Variants in RNF216 observed in about 807,000 individuals in gnomAD.
RNF216 encodes E3 ubiquitin-protein ligase RNF216.
A neutral mutation model predicts 110.8 loss-of-function variants in RNF216; 72 were observed. That is an observed-to-expected ratio of 0.65 (90% CI 0.54 to 0.79). RNF216 has a LOEUF of 0.79. Ranked by LOEUF, RNF216 falls within the 30% of genes least tolerant of loss-of-function variation. RNF216 has a pLI of 0.00. For missense variants in RNF216, 1,342 were observed against 1,141.2 expected, an observed-to-expected ratio of 1.18 and a Z score of -2.54; for synonymous variants, 495 against 407.5, an observed-to-expected ratio of 1.21 and a Z score of -2.59.
Position 5,741,783 on chromosome 7 carries a change from G to C in RNF216, c.234C>G (p.Leu78=). ...TNKPQRSRPN[L]IKPAAQWQDL... ...CTTGCCACTGGGCAGCTGGTTTGAT[G>C]AGATTGGGTCGTGATCTCTGAGGTT... The change falls in exon 4 of 17, where the codon CTC becomes CTG. Residue 78 remains leucine, a synonymous_variant. Coordinates refer to ENST00000389902, the MANE Select transcript of RNF216 (RefSeq NM_207111.4). 9 of 1,613,736 alleles carry C rather than the reference G, an allele frequency of 5.6e-6. No individual in the cohort carries two copies. The highest frequency in any genetic ancestry group is 7.6e-6 in the Non-Finnish European group (9 of 1,179,944).
chr7:5,736,709 G>A (rs1392668761), intron 5 of RNF216, among the ~76,000 whole-genome samples: 3 of 151,566 alleles, frequency 2.0e-5, no homozygotes, highest in Admixed American at 1.3e-4. Context: ...CATCTGAGAC[G>A]TGGGGAGCGC....
chr7:5,700,217 C>G (rs1347271070), intron 13 of RNF216, among the ~76,000 whole-genome samples: 1 of 152,162 alleles, frequency 6.6e-6, no homozygotes, highest in Non-Finnish European at 1.5e-5. Context: ...AGAGGGAACA[C>G]TATCACTTTC....
intron 13 of RNF216, among the ~76,000 whole-genome samples, chr7:5,666,431 C>T (rs1021119250): frequency 3.9e-5 from 6 of 152,096 alleles, no homozygotes; most frequent in Admixed American, 3.3e-4. Context: ...GAGTCTGGTG[C>T]TATCTGGGGG....
intron 7 of RNF216, among the ~76,000 whole-genome samples, chr7:5,729,087 G>A (rs1793930866): frequency 6.6e-6 from 1 of 152,168 alleles, no homozygotes; most frequent in Non-Finnish European, 1.5e-5. Flanking sequence ...TGGTAACTGA[G>A]CCACCTGGGG....
chr7:5,715,097 A>C lies in RNF216; in HGVS notation c.1789T>G (p.Cys597Gly). The stretch of plus-strand genomic sequence containing the variant: ...GCCTCTTGGGCATATCTGATGAGAC[A>C]CTCTTTGCAGAACAAGTGAGCATCT... ...CADAHLFCKECLIRYAQEAVF... is the reference protein window; with the variant it reads ...CADAHLFCKEGLIRYAQEAVF... Residue 597 changes from cysteine to glycine, a missense_variant, in exon 11 of 17, where the codon TGT becomes GGT. Physicochemically the swap from Cys to Gly is radical, Grantham distance 159. Transcript: ENST00000389902. The C allele has an allele frequency of 6.2e-7, 1 of 1,613,850 alleles. No individual in the cohort carries two copies. Among genetic ancestry groups the C allele is most frequent in the Non-Finnish European group, 8.5e-7 (1 of 1,179,984 alleles).
chr7:5,703,733 T>G (rs1201785659), intron 13 of RNF216, among the ~76,000 whole-genome samples: 2 of 152,202 alleles, frequency 1.3e-5, no homozygotes, highest in African/African-American at 4.8e-5. Flanking sequence ...ACACCAGATG[T>G]TCTTCAGTTA....
intron 13 of RNF216, among the ~76,000 whole-genome samples, chr7:5,705,604 T>C (rs750041544): frequency 4.6e-5 from 7 of 152,104 alleles, no homozygotes; most frequent in Non-Finnish European, 8.8e-5. Context: ...ATGAACCATA[T>C]GCCCTTTAAA....
intron 13 of RNF216, among the ~76,000 whole-genome samples, chr7:5,677,871 G>C (rs182460494): frequency 5.9e-5 from 9 of 152,318 alleles, no homozygotes; most frequent in Admixed American, 3.9e-4. Flanking sequence ...AAGGGAGCTA[G>C]AAAAACAGCT....
At chr7:5,648,108 A>AT (rs111579094) in intron 14 of RNF216, among the ~76,000 whole-genome samples, 6,022 of 143,558 alleles carry the variant, frequency 0.042, 206 homozygotes, top group African/African-American at 0.095. Flanking sequence ...CTTTAGCTCT[A>AT]TTTTTTTTTT....
chr7:5,744,181 G>A (rs951199421), intron 3 of RNF216, among the ~76,000 whole-genome samples: 3 of 152,018 alleles, frequency 2.0e-5, no homozygotes, highest in East Asian at 1.9e-4. Flanking sequence ...AAGAAGAATC[G>A]AACGCAAATT....
rs1786455103 is a variant in RNF216, at chr7:5,622,797, G to A, written c.*63C>T. 5 of 1,461,684 alleles carry A rather than the reference G, an allele frequency of 3.4e-6. No homozygotes were observed. Among genetic ancestry groups the A allele is most frequent in the Admixed American group, 3.7e-5 (2 of 53,496 alleles). The allele number at this position is 1,461,684 out of a possible 1,614,324, so 90.5% of individuals were successfully genotyped here. ...GGTACAGACACCAGCCTTGGGGGAG[G>A]GTTCTCCATCCACACTCCTACCCCA... On this transcript the variant is annotated 3_prime_UTR_variant, in exon 17 of 17. Coordinates refer to ENST00000389902, the MANE Select transcript of RNF216 (RefSeq NM_207111.4).
At chr7:5,708,315 A>C (rs1260053162) in intron 13 of RNF216, among the ~76,000 whole-genome samples, 1 of 152,188 alleles carries the variant, frequency 6.6e-6, no homozygotes, top group Non-Finnish European at 1.5e-5. Context: ...GCTAACAATG[A>C]TTGAAAGTGA....
At chr7:5,722,590 C>T (rs1296529356) in intron 8 of RNF216, among the ~76,000 whole-genome samples, 1 of 151,908 alleles carries the variant, frequency 6.6e-6, no homozygotes, top group Non-Finnish European at 1.5e-5. Flanking sequence ...CGGGGTTTCA[C>T]TGTGTTAGCC....
chr7:5,715,716 G>C (rs1470496841), intron 10 of RNF216, among the ~76,000 whole-genome samples: 4 of 149,108 alleles, frequency 2.7e-5, no homozygotes, highest in Non-Finnish European at 5.9e-5. Context: ...TATAGCAACG[G>C]ATCCAATCAC....
intron 14 of RNF216, among the ~76,000 whole-genome samples, chr7:5,651,784 G>A (rs552373052): frequency 1.3e-5 from 2 of 152,236 alleles, no homozygotes; most frequent in South Asian, 4.1e-4. Context: ...GAGTAGCTGG[G>A]ATTACAGGCA....
At chr7:5,629,826 CAA>C (rs34172457) in intron 15 of RNF216, among the ~76,000 whole-genome samples, 58 of 54,026 alleles carry the variant, frequency 1.1e-3, no homozygotes, top group African/African-American at 3.3e-3. Context: ...GACTCTGTCT[CAA>C]AAAAAAAAAA....
In RNF216 at chr7:5,748,607, TACATAC is replaced by T. The variant is rs1286305077; in HGVS notation, c.201+4233_201+4238del. Among the ~76,000 whole-genome samples, 909 of 97,386 alleles carry T rather than the reference TACATAC, an allele frequency of 9.3e-3. 3 individuals are homozygous for T. Among genetic ancestry groups the T allele is most frequent in the Middle Eastern group, 0.021 (5 of 236 alleles). 63.9% of individuals were successfully genotyped at this position (97,386 alleles called of 152,430 possible). The stretch of plus-strand genomic sequence containing the variant: ...ATAAGAATGCAGTATATTTTTTATA[TACATAC>T]ACACACACACACACACACACACACA... On this transcript the variant is annotated intron_variant, in intron 3 of 16. Coordinates refer to ENST00000389902, the MANE Select transcript of RNF216 (RefSeq NM_207111.4).
Position 5,622,603 on chromosome 7 carries a change from G to A in RNF216, c.*257C>T, listed in dbSNP as rs188555930. ...ACAAGGCAGAAGGACTGCCGTTGGT[G>A]GCCTGGGGGATGCGAGGGGAGGGGC... On this transcript the variant is annotated 3_prime_UTR_variant, in exon 17 of 17. Coordinates refer to ENST00000389902, the MANE Select transcript of RNF216 (RefSeq NM_207111.4). 1,602 of 490,890 alleles carry A rather than the reference G, an allele frequency of 3.3e-3. 47 individuals are homozygous for A. The Admixed American group carries it at 0.05, about 15-fold the overall frequency. 30.4% of individuals were successfully genotyped at this position (490,890 alleles called of 1,614,324 possible).
intron 13 of RNF216, among the ~76,000 whole-genome samples, chr7:5,686,689 A>G (rs921099783): frequency 6.6e-6 from 1 of 152,198 alleles, no homozygotes; most frequent in Admixed American, 6.5e-5. Flanking sequence ...AGGTAGCGCT[A>G]TTTGCGGCAA....
Sources: gnomAD v4.1 joint callset for allele counts (sites outside exome capture counted in the v4.1 genomes callset) on GRCh38, gnomAD v4.1.1 for gene constraint, MANE v1.5 for transcripts, NCBI Gene and HGNC (gene_info 2026-07-23, HGNC 2026-07-21) for gene names.